The following TP53BP1 variants were observed in gnomAD, a reference collection of about 807,000 sequenced individuals.
The protein encoded by TP53BP1 is tumor protein p53 binding protein 1, also known as TP53-binding protein 1.
TP53BP1 carries 61 observed loss-of-function variants against 200.8 expected under a neutral mutation model. That is an observed-to-expected ratio of 0.30 (90% CI 0.25 to 0.38). The LOEUF (loss-of-function observed/expected upper bound fraction) is 0.38. Ranked by LOEUF, TP53BP1 falls within the 10% of genes least tolerant of loss-of-function variation. TP53BP1 has a pLI of 1.00. For missense variants in TP53BP1, 2,144 were observed against 2,371.9 expected (o/e 0.90, Z 2.00); for synonymous variants, 822 against 844.3 (o/e 0.97, Z 0.46).
intron 11 of TP53BP1, among the ~76,000 whole-genome samples, chr15:43,459,633 A>T (rs2046382697): frequency 1.3e-5 from 2 of 151,524 alleles, no homozygotes; most frequent in Admixed American, 1.3e-4. Context: ...GACCACACAC[A>T]CTTCCTGATT....
At chr15:43,485,662 G>C (rs1263095463) in intron 4 of TP53BP1, among the ~76,000 whole-genome samples, 1 of 150,098 alleles carries the variant, frequency 6.7e-6, no homozygotes, top group Admixed American at 6.7e-5. Context: ...GGCCAACAAG[G>C]TGAAACCCTG....
At chr15:43,474,228 C>T (rs372807735) in intron 10 of TP53BP1, among the ~76,000 whole-genome samples, 5 of 152,278 alleles carry the variant, frequency 3.3e-5, no homozygotes, top group African/African-American at 1.2e-4. Flanking sequence ...CCGCAAGCGC[C>T]GCGCACAGCC....
At chr15:43,426,836 C>T (rs1346965269) in intron 18 of TP53BP1, among the ~76,000 whole-genome samples, 1 of 149,840 alleles carries the variant, frequency 6.7e-6, no homozygotes, top group African/African-American at 2.5e-5. Flanking sequence ...GGTGAAACCC[C>T]GTCTCTACTA....
At chr15:43,499,533 T>C (rs2079199052) in intron 1 of TP53BP1, among the ~76,000 whole-genome samples, 1 of 152,346 alleles carries the variant, frequency 6.6e-6, no homozygotes, top group African/African-American at 2.4e-5. Context: ...TCTGAGCATA[T>C]CCCTTCTGCA....
intron 11 of TP53BP1, among the ~76,000 whole-genome samples, chr15:43,458,975 C>G (rs1381773175): frequency 1.3e-5 from 2 of 152,094 alleles, no homozygotes; most frequent in African/African-American, 4.8e-5. Context: ...GGCATTTACC[C>G]AAGAAAAATA....
intron 16 of TP53BP1, among the ~76,000 whole-genome samples, chr15:43,434,153 TGAA>T (rs1016838507): frequency 5.9e-5 from 9 of 152,250 alleles, no homozygotes; most frequent in Admixed American, 6.5e-5. Context: ...TATGGTCCAA[TGAA>T]GAAGAAGTAA....
chr15:43,465,005 G>C (rs1028990622), intron 11 of TP53BP1, among the ~76,000 whole-genome samples: 2 of 151,730 alleles, frequency 1.3e-5, no homozygotes, highest in African/African-American at 2.4e-5. Flanking sequence ...ACAAAAAAAG[G>C]AATGAAAATC....
At chr15:43,489,640 A>G (rs546818819) in intron 4 of TP53BP1, among the ~76,000 whole-genome samples, 8 of 152,346 alleles carry the variant, frequency 5.3e-5, no homozygotes, top group African/African-American at 1.9e-4. Flanking sequence ...GCTGACTGCT[A>G]CTCATAACTC....
intron 10 of TP53BP1, among the ~76,000 whole-genome samples, chr15:43,473,293 T>G (rs993594009): frequency 6.6e-6 from 1 of 152,202 alleles, no homozygotes; most frequent in Admixed American, 6.5e-5. Context: ...CCTGCTTTTA[T>G]TCTCTTATCT....
Position 43,407,293 on chromosome 15 carries a change from G to T in TP53BP1, c.*90C>A. On this transcript the variant is annotated 3_prime_UTR_variant, in exon 28 of 28. Coordinates refer to ENST00000382044, the MANE Select transcript of TP53BP1 (RefSeq NM_001141980.3). The stretch of plus-strand genomic sequence containing the variant: ...AAACTATATACAAGATCCATGCAAG[G>T]AATCCAGTTACACACAAGACACATT... The T allele has an allele frequency of 1.8e-6, 2 of 1,087,824 alleles. No homozygotes were observed. Among genetic ancestry groups the T allele is most frequent in the Non-Finnish European group, 1.4e-6 (1 of 734,134 alleles). 67.4% of individuals were successfully genotyped at this position (1,087,824 alleles called of 1,614,324 possible). A position where few individuals can be genotyped will look rare whatever the true frequency, so the allele number is the denominator to read the frequency against.
chr15:43,422,139 A>G lies in TP53BP1; in HGVS notation c.3829-13T>C, dbSNP rs767556013. 6.2e-7 allele frequency: 1 copy of G among 1,611,252 alleles called. No individual in the cohort carries two copies. Among genetic ancestry groups the G allele is most frequent in the Non-Finnish European group, 8.5e-7 (1 of 1,178,904 alleles). The stretch of plus-strand genomic sequence containing the variant: ...GCTCTTCAGTCTCCTGCAAGGAAAA[A>G]ATAGATACAGAAGATAAAAGATGCC... On this transcript the variant is annotated splice_polypyrimidine_tract_variant and intron_variant, in intron 18 of 27. Coordinates refer to ENST00000382044, the MANE Select transcript of TP53BP1 (RefSeq NM_001141980.3).
intron 12 of TP53BP1, among the ~76,000 whole-genome samples, 172 bp downstream of exon 12, chr15:43,455,720 C>CA (rs774205426): frequency 2.6e-3 from 330 of 127,902 alleles, no homozygotes; most frequent in Middle Eastern, 7.9e-3. Context: ...GACTCTGTCT[C>CA]AAAAAAAAAA....
At chr15:43,491,563 C>T in intron 4 of TP53BP1, 106 bp downstream of exon 4, 2 of 869,932 alleles carry the variant, frequency 2.3e-6, no homozygotes, top group Non-Finnish European at 3.9e-6. Context: ...TTTCCTAATC[C>T]ACAAGAAAGA....
At chr15:43,415,396 C>T (rs761866148) in intron 23 of TP53BP1, 198 bp downstream of exon 23, 14 of 694,502 alleles carry the variant, frequency 2.0e-5, no homozygotes, top group East Asian at 2.7e-5. Flanking sequence ...GCTATCTACC[C>T]GCACTAGAGT....
At chr15:43,502,635 T>G (rs998698793) in intron 1 of TP53BP1, among the ~76,000 whole-genome samples, 1 of 151,400 alleles carries the variant, frequency 6.6e-6, no homozygotes, top group African/African-American at 2.4e-5. Context: ...TTTTTTTGTA[T>G]TTTTTAGTAG....
intron 10 of TP53BP1, among the ~76,000 whole-genome samples, chr15:43,472,800 T>C (rs1309755253): frequency 6.6e-6 from 1 of 152,152 alleles, no homozygotes; most frequent in Non-Finnish European, 1.5e-5. Context: ...ATTGAGCCAA[T>C]ACAGAAATCT....
rs186407890 is a variant in TP53BP1, at chr15:43,487,092, G to A, written c.371+4577C>T. ...ATATTCTACAAAAGACTAGTATCTA[G>A]AATATATAAAGAACTCTCAAAACAC... On this transcript the variant is annotated intron_variant, in intron 4 of 27. Coordinates refer to ENST00000382044, the MANE Select transcript of TP53BP1 (RefSeq NM_001141980.3). Among the ~76,000 whole-genome samples, 4 of 152,138 alleles carry A rather than the reference G, an allele frequency of 2.6e-5. No individual in the cohort carries two copies. The East Asian group carries it at 7.7e-4, about 29-fold the overall frequency.
chr15:43,427,413 T>C (rs1566926411), intron 18 of TP53BP1, among the ~76,000 whole-genome samples: 1 of 152,212 alleles, frequency 6.6e-6, no homozygotes, highest in Non-Finnish European at 1.5e-5. Context: ...TTTAAAATAA[T>C]ACATACAATC....
In TP53BP1 at chr15:43,405,490, T is replaced by G. The variant is rs935582503; in HGVS notation, c.*1893A>C. On this transcript the variant is annotated 3_prime_UTR_variant, in exon 28 of 28. Transcript: ENST00000382044. ...GATATGTTCATTTATTCAATAGTCA[T>G]TTATTGAGCACCTACTACGTACCTT... 2 of 523,562 alleles carry G rather than the reference T, an allele frequency of 3.8e-6. No individual in the cohort carries two copies. The highest frequency in any genetic ancestry group is 3.8e-5 in the African/African-American group (2 of 52,358). The allele number at this position is 523,562 out of a possible 1,614,324, so 32.4% of individuals were successfully genotyped here.
Sources: gnomAD v4.1 joint callset for allele counts (sites outside exome capture counted in the v4.1 genomes callset) on GRCh38, gnomAD v4.1.1 for gene constraint, MANE v1.5 for transcripts, NCBI Gene and HGNC (gene_info 2026-07-23, HGNC 2026-07-21) for gene names.